The following DENND2B variants were observed in gnomAD, a reference collection of about 807,000 sequenced individuals.
The protein encoded by DENND2B is DENN domain containing 2B, also known as DENN domain-containing protein 2B.
DENND2B carries 32 observed loss-of-function variants against 116.0 expected under a neutral mutation model. That is an observed-to-expected ratio of 0.28 (90% CI 0.21 to 0.37). DENND2B has a LOEUF of 0.37. Among genes scored for constraint, DENND2B ranks in the 10% least tolerant of loss-of-function variants. The pLI, the probability that DENND2B is intolerant of heterozygous loss-of-function variation, is 1.00. For synonymous variants in DENND2B, 588 were observed against 583.9 expected, an observed-to-expected ratio of 1.01 and a Z score of -0.10; for missense variants, 1,276 against 1,477.7, an observed-to-expected ratio of 0.86 and a Z score of 2.24.
chr11:8,870,304 AACTCT>A (rs1566072479), intron 2 of DENND2B, among the ~76,000 whole-genome samples: 2 of 152,222 alleles, frequency 1.3e-5, no homozygotes, highest in African/African-American at 2.4e-5. Context: ...TTGTCTCTTG[AACTCT>A]ACTCAGTTAC....
At chr11:8,855,051 G>T (rs56316046) in intron 3 of DENND2B, among the ~76,000 whole-genome samples, 51,918 of 151,840 alleles carry the variant, frequency 0.34, 10,530 homozygotes, top group Non-Finnish European at 0.44. Context: ...GGCTGAGGTG[G>T]AAAAGATCAC....
chr11:8,861,777 C>A (rs1354618279), intron 2 of DENND2B, among the ~76,000 whole-genome samples: 1 of 152,110 alleles, frequency 6.6e-6, no homozygotes, highest in Non-Finnish European at 1.5e-5. Context: ...ACGGAACCAA[C>A]CTAAGTGCCC....
intron 4 of DENND2B, among the ~76,000 whole-genome samples, chr11:8,829,450 C>A (rs900388619): frequency 6.6e-6 from 1 of 152,054 alleles, no homozygotes; most frequent in African/African-American, 2.4e-5. Flanking sequence ...TCCGGGGAGC[C>A]CCATTCAGTA....
At chr11:8,875,867 G>A (rs576770639), upstream of DENND2B, among the ~76,000 whole-genome samples, 1 of 152,226 alleles carries the variant, frequency 6.6e-6, no homozygotes, top group African/African-American at 2.4e-5. Flanking sequence ...TTACCATGGT[G>A]CAAAACCAAT....
chr11:8,909,009 T>G (rs1207097522), intron 1 of DENND2B, among the ~76,000 whole-genome samples: 3 of 152,170 alleles, frequency 2.0e-5, no homozygotes, highest in Non-Finnish European at 4.4e-5. Flanking sequence ...TAGTCCTTAC[T>G]GTGACAGACA....
At chr11:8,708,059 TC>T in intron 11 of DENND2B, 1 of 1,491,942 alleles carries the variant, frequency 6.7e-7, no homozygotes, top group Admixed American at 2.0e-5. Context: ...CTGCAGGGTC[TC>T]CCAGCACCAG....
intron 1 of DENND2B, among the ~76,000 whole-genome samples, chr11:8,760,872 T>C (rs2134112678): frequency 6.6e-6 from 1 of 152,250 alleles, no homozygotes; most frequent in African/African-American, 2.4e-5. Context: ...TGGGTGTTTT[T>C]ACAGGCCCCC....
intron 4 of DENND2B, among the ~76,000 whole-genome samples, chr11:8,828,201 G>A (rs1300271044): frequency 6.6e-6 from 1 of 152,176 alleles, no homozygotes; most frequent in East Asian, 1.9e-4. Context: ...AGCAAGTAAA[G>A]GACCAGACAG....
rs557831013 is a variant in DENND2B, at chr11:8,718,879, G to A, written c.1478-987C>T. 138 of 994,514 alleles carry A rather than the reference G, an allele frequency of 1.4e-4. No homozygotes were observed. The South Asian group carries it at 5.1e-3, about 37-fold the overall frequency. The allele number at this position is 994,514 out of a possible 1,614,324, so 61.6% of individuals were successfully genotyped here. A position where few individuals can be genotyped will look rare whatever the true frequency, so the allele number is the denominator to read the frequency against. On this transcript the variant is annotated intron_variant, in intron 4 of 19. Transcript: ENST00000313726. ...CAACACACACATTTTCTAAAATAGA[G>A]TAACACCATGGGCCGGGTCAGTCCT...
At chr11:8,811,016 CCCCT>C (rs2061348031), upstream of DENND2B, 7 of 334,862 alleles carry the variant, frequency 2.1e-5, no homozygotes, top group Non-Finnish European at 3.7e-5. Context: ...TTGTTTTCTT[CCCCT>C]CCAGTGTCTC....
In DENND2B at chr11:8,708,436, A is replaced by G. The variant is rs142779496; in HGVS notation, c.2353-582T>C. 3.9e-4 allele frequency: 258 copies of G among 655,722 alleles called. 2 individuals are homozygous for G. The Admixed American group carries it at 8.5e-3, about 22-fold the overall frequency. The allele number at this position is 655,722 out of a possible 1,614,324, so 40.6% of individuals were successfully genotyped here. ...GGACTTTACAAGAGATTTGTGAGAG[A>G]GGGATTATTATCCCCTTTATAGATG... is the stretch of plus-strand genomic sequence containing the variant. On this transcript the variant is annotated intron_variant, in intron 11 of 19. Coordinates refer to ENST00000313726, the MANE Select transcript of DENND2B (RefSeq NM_213618.2).
intron 1 of DENND2B, among the ~76,000 whole-genome samples, chr11:8,800,154 A>AAAT (rs1472840047): frequency 6.6e-6 from 1 of 151,862 alleles, no homozygotes; most frequent in Non-Finnish European, 1.5e-5. Flanking sequence ...GGGTCTCATT[A>AAAT]TGTTGCCCAG....
intron 1 of DENND2B, chr11:8,776,140 G>A (rs1176039781): frequency 8.7e-6 from 2 of 230,200 alleles, no homozygotes; most frequent in Non-Finnish European, 1.8e-5. Context: ...AGACACGCAC[G>A]TGCGCGCACG....
At chr11:8,736,051 G>C (rs2048972164) in intron 2 of DENND2B, among the ~76,000 whole-genome samples, 2 of 152,326 alleles carry the variant, frequency 1.3e-5, no homozygotes, top group Non-Finnish European at 2.9e-5. Context: ...TGGGAGCAAA[G>C]CCACTGACAG....
chr11:8,699,270 G>C lies in DENND2B; in HGVS notation c.2841C>G (p.Phe947Leu), dbSNP rs891362505. Residue 947 changes from phenylalanine (F) to leucine (L), a missense_variant, in exon 15 of 20, where the codon TTC (phenylalanine) becomes TTG (leucine). Coordinates refer to ENST00000313726, the MANE Select transcript of DENND2B (RefSeq NM_213618.2). ...GGGAGCTGGAGAGCAGGCCAACCAG[G>C]AAGGGGGTGGGACAGCAGACGATGT... Reference protein sequence around the residue: ...MIDIVCCPTPFLVGLLSSSLP... With the variant: ...MIDIVCCPTPLLVGLLSSSLP... 6.3e-7 allele frequency: 1 copy of C among 1,596,470 alleles called. No homozygotes were observed. The highest frequency in any genetic ancestry group is 1.9e-5 in the Admixed American group (1 of 53,200).
chr11:8,775,801 T>C (rs1345439271), intron 1 of DENND2B, among the ~76,000 whole-genome samples: 1 of 152,200 alleles, frequency 6.6e-6, no homozygotes, highest in African/African-American at 2.4e-5. Flanking sequence ...CAATGGTCTC[T>C]GGTTATACAG....
chr11:8,837,060 G>A (rs117091554), intron 4 of DENND2B, among the ~76,000 whole-genome samples: 2,729 of 151,984 alleles, frequency 0.018, 32 homozygotes, highest in Non-Finnish European at 0.028. Flanking sequence ...AAGGACCACA[G>A]AACAGCAAAA....
chr11:8,823,851 C>T (rs570264834), intron 4 of DENND2B, among the ~76,000 whole-genome samples: 1 of 151,848 alleles, frequency 6.6e-6, no homozygotes, highest in East Asian at 1.9e-4. Flanking sequence ...TACATGAACC[C>T]TTTTTTTCCT....
intron 1 of DENND2B, among the ~76,000 whole-genome samples, chr11:8,884,334 T>A (rs897637829): frequency 6.6e-6 from 1 of 151,822 alleles, no homozygotes; most frequent in Non-Finnish European, 1.5e-5. Flanking sequence ...GTTGTTGTTG[T>A]TGTTTTTTGT....
Sources: allele counts gnomAD v4.1 joint callset (sites outside exome capture counted in the v4.1 genomes callset), GRCh38; gene constraint gnomAD v4.1.1; transcripts MANE v1.5; gene names NCBI Gene and HGNC (gene_info 2026-07-23, HGNC 2026-07-21).